PARVA: variants seen among roughly 807,000 people sequenced by gnomAD.
PARVA encodes alpha-parvin.
PARVA carries 25 observed loss-of-function variants against 52.6 expected under a neutral mutation model. The ratio of observed to expected loss-of-function variants is 0.48; its 90% CI spans 0.35 to 0.66. PARVA has a LOEUF of 0.66. Ranked by LOEUF, PARVA falls within the 30% of genes least tolerant of loss-of-function variation. The pLI is 0.01. For missense variants in PARVA, 373 were observed against 450.9 expected (o/e 0.83, Z 1.56); for synonymous variants, 185 against 179.1 (o/e 1.03, Z -0.26).
chr11:12,441,019 G>A (rs751867601), intron 1 of PARVA, among the ~76,000 whole-genome samples: 57 of 152,166 alleles, frequency 3.7e-4, no homozygotes, highest in Non-Finnish European at 7.9e-4. Context: ...ACAGTCCCAG[G>A]ATTGGAGCAG....
In PARVA at chr11:12,496,356, A is replaced by ATGCATGAGTGCATGCG. The variant is rs1554901085; in HGVS notation, c.401-88_401-87insCGTGCATGAGTGCATG. 4 of 1,228,292 alleles carry ATGCATGAGTGCATGCG rather than the reference A, an allele frequency of 3.3e-6. No individual in the cohort carries two copies. The African/African-American group carries it at 6.0e-5, about 19-fold the overall frequency. The allele number at this position is 1,228,292 out of a possible 1,614,324, so 76.1% of individuals were successfully genotyped here. A position where few individuals can be genotyped will look rare whatever the true frequency, so the allele number is the denominator to read the frequency against. ...TATCTATTGTTGCAAGAGTGCATGC[A>ATGCATGAGTGCATGCG]TGCATGAGTGCATGAGAGACCGAAT... On this transcript the variant is annotated intron_variant, in intron 4 of 12. Transcript: ENST00000334956.
intron 1 of PARVA, among the ~76,000 whole-genome samples, chr11:12,403,369 G>C (rs964418054): frequency 2.2e-4 from 34 of 152,202 alleles, no homozygotes; most frequent in African/African-American, 8.0e-4. Flanking sequence ...GCAGGTGATG[G>C]AAGCCTACAC....
At chr11:12,428,000 C>T (rs1389091553) in intron 1 of PARVA, among the ~76,000 whole-genome samples, 4 of 152,206 alleles carry the variant, frequency 2.6e-5, no homozygotes, top group African/African-American at 9.6e-5. Flanking sequence ...CATCTCCAGG[C>T]CTCCCCTCCT....
rs147057365 is a variant in PARVA at position 12,491,859 on chromosome 11, T to C, written c.401-4599T>C. On this transcript the variant is annotated intron_variant, in intron 4 of 12. Transcript: ENST00000334956. ...AGCTCTAACTAATCTGTATATAGCA[T>C]ATGATACCCTGCAAACTGTATTCTT... is the stretch of plus-strand genomic sequence containing the variant. Among the ~76,000 whole-genome samples the C allele has an allele frequency of 6.9e-3, 1,055 of 152,294 alleles. 9 individuals carry two copies. The highest frequency in any genetic ancestry group is 0.02 in the Middle Eastern group (6 of 294).
In PARVA at chr11:12,534,779, C is replaced by T. The variant is rs977670699; in HGVS notation, c.*6854C>T. Among the ~76,000 whole-genome samples, 1 of 152,322 alleles carries T rather than the reference C, an allele frequency of 6.6e-6. No homozygotes were observed. The highest frequency in any genetic ancestry group is 1.5e-5 in the Non-Finnish European group (1 of 68,036). The stretch of plus-strand genomic sequence containing the variant: ...GGCTGCTATGTGTCTTCCTGGAAAC[C>T]CTGTCAAAGGCCTTACCGCCTGCCT... On this transcript the variant is annotated 3_prime_UTR_variant, in exon 13 of 13. Transcript: ENST00000334956.
intron 1 of PARVA, among the ~76,000 whole-genome samples, chr11:12,396,066 T>G (rs61875443): frequency 0.089 from 13,567 of 152,214 alleles, 742 homozygotes; most frequent in African/African-American, 0.14. Flanking sequence ...CTCCATATAT[T>G]ATATCACATT....
At chr11:12,490,961 C>G (rs1589978300) in intron 4 of PARVA, among the ~76,000 whole-genome samples, 1 of 151,782 alleles carries the variant, frequency 6.6e-6, no homozygotes, top group African/African-American at 2.4e-5. Context: ...AACCTCCCTA[C>G]TAATCATGGG....
intron 1 of PARVA, among the ~76,000 whole-genome samples, chr11:12,429,515 G>C (rs1448683822): frequency 6.6e-6 from 1 of 152,096 alleles, no homozygotes; most frequent in African/African-American, 2.4e-5. Context: ...TATCAACACT[G>C]TTTATTGTAA....
intron 7 of PARVA, among the ~76,000 whole-genome samples, chr11:12,509,604 C>T (rs984065627): frequency 2.6e-5 from 4 of 152,226 alleles, no homozygotes; most frequent in African/African-American, 7.2e-5. Context: ...CCGTCTAGAT[C>T]ACATTGTGTA....
chr11:12,443,247 C>T (rs1299797814), intron 1 of PARVA, among the ~76,000 whole-genome samples: 1 of 144,254 alleles, frequency 6.9e-6, no homozygotes, highest in Non-Finnish European at 1.5e-5. Flanking sequence ...TCTCAGCTCA[C>T]TGCAACCTTC....
chr11:12,416,423 C>T (rs1221816383), intron 1 of PARVA, among the ~76,000 whole-genome samples: 1 of 152,132 alleles, frequency 6.6e-6, no homozygotes, highest in Non-Finnish European at 1.5e-5. Flanking sequence ...GGATCATTTA[C>T]AGGAAATAAG....
chr11:12,397,815 AG>A (rs1409301101), intron 1 of PARVA, among the ~76,000 whole-genome samples: 1 of 146,246 alleles, frequency 6.8e-6, no homozygotes, highest in Non-Finnish European at 1.5e-5. Flanking sequence ...TTCTGGGGGA[AG>A]GTCTTTTTTT....
At chr11:12,516,348 G>C (rs1941567420) in intron 10 of PARVA, among the ~76,000 whole-genome samples, 1 of 152,192 alleles carries the variant, frequency 6.6e-6, no homozygotes. Flanking sequence ...AAGGGTTCTA[G>C]AATGTCGGAT....
chr11:12,466,592 C>T (rs1168867525), intron 1 of PARVA, among the ~76,000 whole-genome samples: 1 of 152,132 alleles, frequency 6.6e-6, no homozygotes, highest in Non-Finnish European at 1.5e-5. Flanking sequence ...GCATAAGCCA[C>T]CACGCCCGGC....
At chr11:12,413,583 C>T (rs1589948283) in intron 1 of PARVA, among the ~76,000 whole-genome samples, 1 of 122,502 alleles carries the variant, frequency 8.2e-6, no homozygotes, top group East Asian at 2.0e-4. Flanking sequence ...GGAACCTGTA[C>T]ACTCACACAT....
At chr11:12,379,735 G>C (rs903029226) in intron 1 of PARVA, among the ~76,000 whole-genome samples, 3 of 152,186 alleles carry the variant, frequency 2.0e-5, no homozygotes, top group Non-Finnish European at 4.4e-5. Flanking sequence ...CTATTCCCTA[G>C]ATTGAAACGA....
At chr11:12,517,313 A>ACCCCCACCCCCCC (rs1941580994) in intron 10 of PARVA, among the ~76,000 whole-genome samples, 10 of 66,252 alleles carry the variant, frequency 1.5e-4, no homozygotes, top group Non-Finnish European at 1.9e-4. Context: ...ACCACCCCCC[A>ACCCCCACCCCCCC]CCCCCCACCC....
chr11:12,477,540 C>T (rs1941031539), intron 3 of PARVA, among the ~76,000 whole-genome samples: 1 of 152,168 alleles, frequency 6.6e-6, no homozygotes, highest in African/African-American at 2.4e-5. Flanking sequence ...ACACTTACAG[C>T]TACCTGTGCA....
At chr11:12,527,809 G>A (rs761387232) in intron 12 of PARVA, 40 bp from the exon 13 acceptor site, 15 of 1,473,844 alleles carry the variant, frequency 1.0e-5, no homozygotes, top group Admixed American at 1.7e-5. Flanking sequence ...GGAACATGTG[G>A]CCCCATGGAA....
Sources: gnomAD v4.1 joint callset for allele counts (sites outside exome capture counted in the v4.1 genomes callset) on GRCh38, gnomAD v4.1.1 for gene constraint, MANE v1.5 for transcripts, NCBI Gene and HGNC (gene_info 2026-07-23, HGNC 2026-07-21) for gene names.